The following DNHD1 variants were observed in gnomAD, a reference collection of about 807,000 sequenced individuals.
The protein encoded by DNHD1 is dynein heavy chain domain-containing protein 1.
A neutral mutation model predicts 458.1 loss-of-function variants in DNHD1; 383 were observed. The observed-to-expected ratio is 0.84, with a 90% CI of 0.77 to 0.91. DNHD1 has a LOEUF of 0.91. DNHD1 is among the 40% of genes least tolerant of loss of function. DNHD1 has a pLI of 0.00. For synonymous variants in DNHD1, 2,203 were observed against 2,376.9 expected (o/e 0.93, Z 2.13); for missense variants, 5,336 against 5,866.1 (o/e 0.91, Z 2.95).
Position 6,566,921 on chromosome 11 carries a change from C to A in DNHD1, c.11412C>A (p.Phe3804Leu). Residue 3804 changes from phenylalanine (F) to leucine (L), a missense_variant, in exon 36 of 43, where the codon TTC (phenylalanine) becomes TTA (leucine). Physicochemically the swap from Phe to Leu is conservative, Grantham distance 22 (BLOSUM62 0). Around this residue, in one of 4 missense-constraint regions of DNHD1, gnomAD observed 695 missense variants for 804.2 expected, o/e 0.86. Transcript: ENST00000254579. ...AGCGGCTGCTGACGATGCTGCTGTT[C>A]CAGAATCCGAAGCGTCAGAAGCCAG... ...AEERLLTMLL[F>L]QNPKRQKPAK... 3.1e-6 allele frequency: 5 copies of A among 1,612,580 alleles called. No individual in the cohort carries two copies. Among genetic ancestry groups the A allele is most frequent in the Non-Finnish European group, 4.2e-6 (5 of 1,179,190 alleles).
At position 6,520,268 on chromosome 11, in the gene DNHD1, T is replaced by A; in HGVS notation, c.1816T>A (p.Ser606Thr). ...GCAGTCTGCAGACCTGAAGACCTCC[T>A]CGGATTCCCTGTATTCTGAAGGTAT... The part of the protein sequence containing the change: ...VVQSADLKTS[S>T]DSLYSEEEDE... The change falls in exon 10 of 43, where the codon TCG (serine) becomes ACG (threonine). Residue 606 changes from serine to threonine, a missense_variant. Ser to Thr is a moderately conservative substitution (Grantham distance 58). Coordinates refer to ENST00000254579, the MANE Select transcript of DNHD1 (RefSeq NM_144666.3). The A allele has an allele frequency of 1.9e-6, 3 of 1,552,220 alleles. No individual in the cohort carries two copies. Among genetic ancestry groups the A allele is most frequent in the Non-Finnish European group, 1.7e-6 (2 of 1,147,172 alleles).
At chr11:6,508,758 T>A in intron 4 of DNHD1, 122 bp from the exon 5 acceptor site, 1 of 802,954 alleles carries the variant, frequency 1.2e-6, no homozygotes, top group African/African-American at 1.7e-5. Flanking sequence ...TCTTTGCCCC[T>A]TTTTCTCCTT....
At chr11:6,516,083 A>C (rs1174215383) in intron 7 of DNHD1, among the ~76,000 whole-genome samples, 1 of 151,274 alleles carries the variant, frequency 6.6e-6, no homozygotes, top group Admixed American at 6.6e-5. Flanking sequence ...CACCACACCC[A>C]GCCAAGACAC....
chr11:6,507,104 A>T (rs2134372113), intron 4 of DNHD1, among the ~76,000 whole-genome samples: 1 of 152,302 alleles, frequency 6.6e-6, no homozygotes, highest in Non-Finnish European at 1.5e-5. Context: ...GTATCATGTC[A>T]TACTCCAGTT....
At chr11:6,565,247 T>C (rs1421287152) in intron 32 of DNHD1, among the ~76,000 whole-genome samples, 1 of 152,152 alleles carries the variant, frequency 6.6e-6, no homozygotes, top group Non-Finnish European at 1.5e-5. Context: ...CTTTCAGATG[T>C]AATTAAGTTA....
rs1287613931 is a variant in DNHD1, at chr11:6,546,992, C to G, written c.6053C>G (p.Thr2018Ser). The G allele has an allele frequency of 2.6e-6, 4 of 1,551,422 alleles. No individual in the cohort carries two copies. The African/African-American group carries it at 5.5e-5, about 21-fold the overall frequency. Reference protein sequence around the residue: ...IQNRLAAMEDTSTQGCQPVEI... With the variant: ...IQNRLAAMEDSSTQGCQPVEI... ...AATCGGCTGGCAGCCATGGAGGACA[C>G]CTCAACCCAAGGCTGCCAGCCTGTG... is the stretch of plus-strand genomic sequence containing the variant. The change falls in exon 21 of 43, where the codon ACC becomes AGC. Residue 2018 changes from threonine to serine, a missense_variant. Thr to Ser is a moderately conservative substitution (Grantham distance 58). Around this residue, in one of 4 missense-constraint regions of DNHD1, gnomAD observed 3,932 missense variants for 4,365.6 expected, o/e 0.90. Coordinates refer to ENST00000254579, the MANE Select transcript of DNHD1 (RefSeq NM_144666.3).
At chr11:6,517,652 CTTTTTTTTTTTTTTTTTTTT>C (rs59300977) in intron 7 of DNHD1, among the ~76,000 whole-genome samples, 1 of 59,050 alleles carries the variant, frequency 1.7e-5, no homozygotes, top group Non-Finnish European at 3.2e-5. Flanking sequence ...TCTAGGACTT[CTTTTTTTTTTTTTTTTTTTT>C]TTTTTTTTTT....
intron 20 of DNHD1, 33 bp from the exon 21 acceptor site, chr11:6,544,759 T>G (rs969874189): frequency 1.3e-6 from 2 of 1,543,830 alleles, no homozygotes; most frequent in Non-Finnish European, 1.8e-6. Flanking sequence ...CACTTCATAT[T>G]GGCCCTCACT....
chr11:6,558,787 C>T lies in DNHD1; in HGVS notation c.9211+94C>T, dbSNP rs147934590. 68 of 1,488,884 alleles carry T rather than the reference C, an allele frequency of 4.6e-5. No homozygotes were observed. In the African/African-American group the frequency reaches 8.9e-4, roughly 20 times the overall value. The allele number at this position is 1,488,884 out of a possible 1,614,324, so 92.2% of individuals were successfully genotyped here. On this transcript the variant is annotated intron_variant, in intron 26 of 42. Transcript: ENST00000254579. ...AGTCTCTCTCTCTCCCTCTCTAGAG[C>T]CTACAGAGCCCCCTTCACATTTCCT...
chr11:6,536,799 C>A (rs73404950), intron 14 of DNHD1, among the ~76,000 whole-genome samples: 1,912 of 152,296 alleles, frequency 0.013, 33 homozygotes, highest in African/African-American at 0.043. Flanking sequence ...GATATCTCTG[C>A]TCTTTCTTAC....
chr11:6,563,952 C>G lies in DNHD1; in HGVS notation c.10112C>G (p.Ala3371Gly). The change falls in exon 31 of 43, where the codon GCC becomes GGC. Residue 3371 changes from alanine (A) to glycine (G), a missense_variant. Coordinates refer to ENST00000254579, the MANE Select transcript of DNHD1 (RefSeq NM_144666.3). The stretch of plus-strand genomic sequence containing the variant: ...CGCCTGGGCTACTACCAGTTTCAGG[C>G]CCAGGAGACCCTGGAGCATAATTTG... ...QARLGYYQFQ[A>G]QETLEHNLAL... 6.4e-7 allele frequency: 1 copy of G among 1,551,698 alleles called. No individual in the cohort carries two copies. The highest frequency in any genetic ancestry group is 8.7e-7 in the Non-Finnish European group (1 of 1,147,002).
chr11:6,546,517 T>C lies in DNHD1; in HGVS notation c.5578T>C (p.Ser1860Pro). ...QMATRLSKFFSLERELVSGPL... is the reference protein window; with the variant it reads ...QMATRLSKFFPLERELVSGPL... The stretch of plus-strand genomic sequence containing the variant: ...GGCTACCCGCCTATCCAAATTCTTC[T>C]CTCTAGAGCGTGAGCTGGTGTCTGG... The change falls in exon 21 of 43, where the codon TCT becomes CCT. Residue 1860 changes from serine to proline, a missense_variant. Ser to Pro is a moderately conservative substitution (Grantham distance 74). Around this residue, in one of 4 missense-constraint regions of DNHD1, gnomAD observed 3,932 missense variants for 4,365.6 expected, o/e 0.90. Coordinates refer to ENST00000254579, the MANE Select transcript of DNHD1 (RefSeq NM_144666.3). The C allele has an allele frequency of 6.4e-7, 1 of 1,551,224 alleles. No individual in the cohort carries two copies.
At position 6,565,707 on chromosome 11, in the gene DNHD1, T is replaced by A; in HGVS notation, c.10769T>A (p.Met3590Lys). 6.5e-7 allele frequency: 1 copy of A among 1,547,136 alleles called. No individual in the cohort carries two copies. ...CTTTCTGCCCCAGGGAAAGGCCTCA[T>A]GAGAAATCAAAAGAGAGAGAGTAAA... Reference protein sequence around the residue: ...ALTEGRGKGLMRNQKRESKTD... With the variant: ...ALTEGRGKGLKRNQKRESKTD... The change falls in exon 33 of 43, where the codon ATG (methionine) becomes AAG (lysine). Residue 3590 changes from methionine (M) to lysine (K), a missense_variant. Met to Lys is a moderately conservative substitution (Grantham distance 95, BLOSUM62 -1). Around this residue, in one of 4 missense-constraint regions of DNHD1, gnomAD observed 695 missense variants for 804.2 expected, o/e 0.86. Transcript: ENST00000254579.
chr11:6,556,955 GA>G lies in DNHD1; in HGVS notation c.7662del (p.Glu2554AspfsTer15), dbSNP rs1853475469. 6.4e-7 allele frequency: 1 copy of G among 1,551,726 alleles called. No individual in the cohort carries two copies. Among genetic ancestry groups the G allele is most frequent in the African/African-American group, 1.4e-5 (1 of 73,178 alleles). On this transcript the variant is annotated frameshift_variant, in exon 25 of 43. Coordinates refer to ENST00000254579, the MANE Select transcript of DNHD1 (RefSeq NM_144666.3). LOFTEE classifies it high-confidence loss of function. ...TTGGCTTGAGCGTTTCCCTTCTGTG[GA>G]ACGGGAGCGTGCTCTGGCACGAGGT... ...QAWLERFPSVERERALARGLV... is the reference protein window; with the variant it reads ...QAWLERFPSVXRERALARGLV...
rs1312924439 is a variant in DNHD1 at position 6,505,373 on chromosome 11, C to T, written c.920+2447C>T. On this transcript the variant is annotated intron_variant, in intron 4 of 42. Transcript: ENST00000254579. This position sits in a 1 kb window ranked among gnomAD's most constrained non-coding sequence, Gnocchi z 4.4. ...GTTCAAGCGATTCTCCTGCCACAGCCTCCCAAGTAGCTTTGATTACAGGCA... is the reference window on the plus strand; with the variant it reads ...GTTCAAGCGATTCTCCTGCCACAGCTTCCCAAGTAGCTTTGATTACAGGCA... Among the ~76,000 whole-genome samples the T allele has an allele frequency of 1.3e-5, 2 of 152,212 alleles. No homozygotes were observed. The highest frequency in any genetic ancestry group is 2.9e-5 in the Non-Finnish European group (2 of 68,016).
At chr11:6,533,630 A>AG in intron 13 of DNHD1, 51 bp from the exon 14 acceptor site, 7 of 1,501,898 alleles carry the variant, frequency 4.7e-6, no homozygotes, top group Non-Finnish European at 6.2e-6. Flanking sequence ...ATGGGACCAA[A>AG]GAGGTACATG....
chr11:6,534,313 T>A, intron 14 of DNHD1, 140 bp downstream of exon 14: 1 of 899,870 alleles, frequency 1.1e-6, no homozygotes, highest in Non-Finnish European at 1.6e-6. Context: ...GTGTCTTTTA[T>A]AAATGAAAAT....
In DNHD1 at chr11:6,545,305, C is replaced by A; in HGVS notation, c.4366C>A (p.Arg1456Ser). Residue 1456 changes from arginine to serine, a missense_variant, in exon 21 of 43, where the codon CGC becomes AGC. Around this residue, in one of 4 missense-constraint regions of DNHD1, gnomAD observed 3,932 missense variants for 4,365.6 expected, o/e 0.90. Coordinates refer to ENST00000254579, the MANE Select transcript of DNHD1 (RefSeq NM_144666.3). The surrounding 1 kb of genome is among the most constrained non-coding windows in gnomAD (Gnocchi z 4.9). ...KWLASLEKCL[R>S]LALVHMLQGC... is the part of the protein sequence containing the mutation. ...GCTGGCCTCTCTGGAGAAGTGTCTGCGCTTGGCACTGGTGCACATGCTGCA... is the reference window on the plus strand; with the variant it reads ...GCTGGCCTCTCTGGAGAAGTGTCTGAGCTTGGCACTGGTGCACATGCTGCA... 1 of 1,551,738 alleles carries A rather than the reference C, an allele frequency of 6.4e-7. No homozygotes were observed. The highest frequency in any genetic ancestry group is 1.2e-5 in the South Asian group (1 of 84,066).
In DNHD1 at chr11:6,512,270, G is replaced by C. The variant is rs1411929045; in HGVS notation, c.1392+841G>C. On this transcript the variant is annotated intron_variant, in intron 7 of 42. Coordinates refer to ENST00000254579, the MANE Select transcript of DNHD1 (RefSeq NM_144666.3). ...GAGTCTCGCTCTGTCACCCAGGCTG[G>C]AGTGCAGTGGCGGGATCTCGGCTCA... 3.7e-5 allele frequency among the ~76,000 whole-genome samples: 5 copies of C among 134,182 alleles called. No homozygotes were observed. In the Admixed American group the frequency reaches 3.9e-4, roughly 11 times the overall value. The allele number at this position is 134,182 out of a possible 152,430, so 88.0% of individuals were successfully genotyped here.
Sources: gnomAD v4.1 joint callset for allele counts (sites outside exome capture counted in the v4.1 genomes callset) on GRCh38, gnomAD v4.1.1 for gene constraint, gnomAD v4.1.1 regional missense constraint, Gnocchi (gnomAD v3.1) non-coding constraint, MANE v1.5 for transcripts, NCBI Gene and HGNC (gene_info 2026-07-23, HGNC 2026-07-21) for gene names.